Variants in CDH23 observed in about 807,000 individuals in gnomAD.
CDH23 encodes the protein cadherin-23.
Under a neutral mutation model 317.1 loss-of-function variants are expected in CDH23, and 189 were observed. The observed-to-expected ratio is 0.60, with a 90% confidence interval of 0.53 to 0.67. The LOEUF is 0.67. Ranked by LOEUF, CDH23 falls within the 30% of genes least tolerant of loss-of-function variation. The pLI is 0.00. For missense variants in CDH23, 4,401 were observed against 4,592.4 expected (o/e 0.96, Z 1.20); for synonymous variants, 1,839 against 1,876.8 (o/e 0.98, Z 0.52).
chr10:71,597,459 C>A (rs1305779707), intron 9 of CDH23, among the ~76,000 whole-genome samples: 1 of 152,272 alleles, frequency 6.6e-6, no homozygotes, highest in South Asian at 2.1e-4. Flanking sequence ...TCTCCCTCCC[C>A]ACTCCCCACC....
Position 71,807,827 on chromosome 10 carries a change from C to G in CDH23, c.8561-19C>G, listed in dbSNP as rs750168849. The G allele has an allele frequency of 3.8e-6, 6 of 1,594,688 alleles. No individual in the cohort carries two copies. The stretch of plus-strand genomic sequence containing the variant: ...GTGGCCCCTGCCCTGCCACTTACAC[C>G]ACCTGCCTCTTCCTGCAGGGGTGGC... On this transcript the variant is annotated intron_variant, in intron 59 of 69. Coordinates refer to ENST00000224721, the MANE Select transcript of CDH23 (RefSeq NM_022124.6).
At chr10:71,716,553 A>G in intron 28 of CDH23, 1 of 460,890 alleles carries the variant, frequency 2.2e-6, no homozygotes, top group East Asian at 3.5e-5. Flanking sequence ...GCTGGGCCCA[A>G]GCTCAGGCCC....
At chr10:71,790,438 C>T (rs1264709560) in intron 46 of CDH23, 25 bp downstream of exon 46, 10 of 1,608,852 alleles carry the variant, frequency 6.2e-6, no homozygotes, top group Non-Finnish European at 8.5e-6. Context: ...CCACCCAGCA[C>T]TCCCAGCCTG....
intron 1 of CDH23, among the ~76,000 whole-genome samples, chr10:71,414,543 C>G (rs375299692): frequency 3.9e-5 from 6 of 152,224 alleles, no homozygotes; most frequent in African/African-American, 1.4e-4. Flanking sequence ...TCTCATAACC[C>G]CTTATCTGTT....
At chr10:71,406,018 ATTT>A (rs10659003) in intron 1 of CDH23, among the ~76,000 whole-genome samples, 49 of 147,614 alleles carry the variant, frequency 3.3e-4, no homozygotes, top group East Asian at 6.0e-4. Flanking sequence ...AAAGCAGGTA[ATTT>A]TTTTTTTTTT....
rs1052349206 is a variant in CDH23, at chr10:71,741,801, C to T, written c.4725C>T (p.Ala1575=). 1 of 1,612,372 alleles carries T rather than the reference C, an allele frequency of 6.2e-7. No individual in the cohort carries two copies. Among genetic ancestry groups the T allele is most frequent in the African/African-American group, 1.3e-5 (1 of 74,918 alleles). ...YYITEGNKDM[A]FRMDRISGEI... ...TCACCGAGGGCAACAAGGACATGGC[C>T]TTCCGCATGGACCGCATCAGCGGTG... The change falls in exon 38 of 70, where the codon GCC becomes GCT. Residue 1575 remains alanine, a synonymous_variant. Coordinates refer to ENST00000224721, the MANE Select transcript of CDH23 (RefSeq NM_022124.6).
intron 9 of CDH23, among the ~76,000 whole-genome samples, chr10:71,609,713 A>G (rs1860744256): frequency 6.6e-6 from 1 of 152,164 alleles, no homozygotes; most frequent in Non-Finnish European, 1.5e-5. Flanking sequence ...GTCCAATTAT[A>G]CATGTGCCAT....
rs1004722797 is a variant in CDH23, at chr10:71,566,763, A to C, written c.451A>C (p.Ile151Leu). Reference protein sequence around the residue: ...IPENTPVGTPIFIVNATDPDL... With the variant: ...IPENTPVGTPLFIVNATDPDL... Reference sequence around the variant, plus strand: ...CCAGAATACACCAGTGGGGACGCCCATCTTCATCGTGAATGCCACAGACCC... The same window carrying C: ...CCAGAATACACCAGTGGGGACGCCCCTCTTCATCGTGAATGCCACAGACCC... Residue 151 changes from isoleucine to leucine, a missense_variant, in exon 7 of 70, where the codon ATC becomes CTC. Coordinates refer to ENST00000224721, the MANE Select transcript of CDH23 (RefSeq NM_022124.6). 6.2e-7 allele frequency: 1 copy of C among 1,608,440 alleles called. No individual in the cohort carries two copies. The highest frequency in any genetic ancestry group is 8.5e-7 in the Non-Finnish European group (1 of 1,175,710).
rs967324506 is a variant in CDH23 at position 71,713,516 on chromosome 10, G to A, written c.3369+703G>A. 13 of 539,098 alleles carry A rather than the reference G, an allele frequency of 2.4e-5. 1 individual carries two copies. The highest frequency in any genetic ancestry group is 2.1e-4 in the African/African-American group (11 of 52,456). The allele number at this position is 539,098 out of a possible 1,614,324, so 33.4% of individuals were successfully genotyped here. A position where few individuals can be genotyped will look rare whatever the true frequency, so the allele number is the denominator to read the frequency against. On this transcript the variant is annotated intron_variant, in intron 28 of 69. Transcript: ENST00000224721. The stretch of plus-strand genomic sequence containing the variant: ...GACAGAAGCGTGGGAGGCTGGCAAT[G>A]CTCCCCTCCCTGCATCGGGACCAGG...
chr10:71,425,232 G>GAGAGAGAGAGAGAGAGAGAGAGAGAGA (rs1849006230), intron 1 of CDH23, among the ~76,000 whole-genome samples: 1 of 73,910 alleles, frequency 1.4e-5, no homozygotes, highest in African/African-American at 4.7e-5. Flanking sequence ...AGAGAGAGAG[G>GAGAGAGAGAGAGAGAGAGAGAGAGAGA]GAGAGAGAGA....
intron 38 of CDH23, chr10:71,747,913 A>C (rs185079011): frequency 6.6e-6 from 1 of 152,486 alleles, no homozygotes; most frequent in East Asian, 1.9e-4. Context: ...CAGCAATGCA[A>C]AGCAGGGAAT....
rs762043839 is a variant in CDH23 at position 71,777,741 on chromosome 10, A to T, written c.4907A>T (p.Gln1636Leu). ...DENDNAPMFQ[Q>L]PHYEVLLDEG... ...AATGATAACGCGCCCATGTTCCAGC[A>T]GCCCCACTATGAGGTGCTGCTGGAT... is the stretch of plus-strand genomic sequence containing the variant. The change falls in exon 39 of 70, where the codon CAG becomes CTG. Residue 1636 changes from glutamine (Q) to leucine (L), a missense_variant. Around this residue, in one of 3 missense-constraint regions of CDH23, gnomAD observed 3,068 missense variants for 3,203.3 expected, o/e 0.96. Transcript: ENST00000224721. 18 of 1,613,658 alleles carry T rather than the reference A, an allele frequency of 1.1e-5. No individual in the cohort carries two copies. The highest frequency in any genetic ancestry group is 1.5e-5 in the Non-Finnish European group (18 of 1,179,814).
rs781536288 is a variant in CDH23 at position 71,810,537 on chromosome 10, C to T, written c.9045C>T (p.Asn3015=). The change falls in exon 62 of 70, where the codon AAC becomes AAT. Residue 3015 remains asparagine, a synonymous_variant. Transcript: ENST00000224721. ...CAGAACTGCTTATCCACGTGGTGAA[C>T]CGCGATACCAACCGCATCCTGGACG... ...AQTELLIHVV[N]RDTNRILDVD... 3 of 1,613,964 alleles carry T rather than the reference C, an allele frequency of 1.9e-6. No homozygotes were observed. Among genetic ancestry groups the T allele is most frequent in the Non-Finnish European group, 2.5e-6 (3 of 1,179,864 alleles).
chr10:71,674,908 G>A (rs1864294624), intron 14 of CDH23, among the ~76,000 whole-genome samples: 1 of 152,162 alleles, frequency 6.6e-6, no homozygotes, highest in Non-Finnish European at 1.5e-5. Context: ...GGTGGCGGTG[G>A]AGAGGCCAGT....
intron 47 of CDH23, among the ~76,000 whole-genome samples, chr10:71,792,820 T>TAAAAAA (rs1158593304): frequency 1.5e-4 from 7 of 47,914 alleles, no homozygotes; most frequent in Admixed American, 3.6e-4. Context: ...AGACTCCATC[T>TAAAAAA]AAAAAAAAAA....
intron 35 of CDH23, 108 bp downstream of exon 35, chr10:71,738,755 C>T: frequency 7.6e-7 from 1 of 1,323,396 alleles, no homozygotes; most frequent in African/African-American, 1.4e-5. Flanking sequence ...GCACCAGGTT[C>T]TTCCGGTCTC....
At chr10:71,612,646 G>A (rs928348159) in intron 9 of CDH23, among the ~76,000 whole-genome samples, 1 of 152,134 alleles carries the variant, frequency 6.6e-6, no homozygotes, top group African/African-American at 2.4e-5. Context: ...CTGTGGGGGG[G>A]CTGGGGAGGG....
At position 71,696,952 on chromosome 10, in the gene CDH23, A is replaced by T. The variant is rs150315451; in HGVS notation, c.2397+1427A>T. On this transcript the variant is annotated intron_variant, in intron 22 of 69. Transcript: ENST00000224721. ...AACCTCCTCCCCACCCCAGCCAGGG[A>T]TTCCAAGAGCTGGGGCTGGATCTCA... Among the ~76,000 whole-genome samples the T allele has an allele frequency of 2.6e-4, 39 of 152,300 alleles. No homozygotes were observed. The East Asian group carries it at 6.2e-3, about 24-fold the overall frequency.
intron 3 of CDH23, among the ~76,000 whole-genome samples, chr10:71,505,478 C>T (rs1388923003): frequency 2.0e-5 from 3 of 152,014 alleles, no homozygotes; most frequent in African/African-American, 4.8e-5. Flanking sequence ...CACAGTAACT[C>T]GGCGAGCTCC....
Sources: allele counts gnomAD v4.1 joint callset (sites outside exome capture counted in the v4.1 genomes callset), GRCh38; gene constraint gnomAD v4.1.1; regional missense constraint gnomAD v4.1.1; transcripts MANE v1.5; gene names NCBI Gene and HGNC (gene_info 2026-07-23, HGNC 2026-07-21).